Variants in PFAS observed in about 807,000 individuals in gnomAD.
PFAS encodes FGAM synthase.
In PFAS, 97 loss-of-function variants were observed where a neutral mutation model predicts 140.6. The observed-to-expected ratio is 0.69, with a 90% CI of 0.59 to 0.82. The LOEUF (loss-of-function observed/expected upper bound fraction) is 0.82. PFAS is among the 40% of genes least tolerant of loss of function. The pLI, the probability that PFAS is intolerant of heterozygous loss-of-function variation, is 0.00. For synonymous variants in PFAS, 679 were observed against 718.8 expected, an observed-to-expected ratio of 0.94 and a Z score of 0.88; for missense variants, 1,656 against 1,780.2, an observed-to-expected ratio of 0.93 and a Z score of 1.26.
Position 8,266,131 on chromosome 17 carries a change from C to T in PFAS, c.2702-103C>T. On this transcript the variant is annotated intron_variant, in intron 21 of 27. Coordinates refer to ENST00000314666, the MANE Select transcript of PFAS (RefSeq NM_012393.3). The surrounding 1 kb of genome is among the most constrained non-coding windows in gnomAD (Gnocchi z 5.0). Reference sequence around the variant, plus strand: ...CAATGGACGATGTACCCCAGATCCCCTGACATTCTGACACACACTCTTGAT... The same window carrying T: ...CAATGGACGATGTACCCCAGATCCCTTGACATTCTGACACACACTCTTGAT... The T allele has an allele frequency of 6.4e-7, 1 of 1,554,358 alleles. No individual in the cohort carries two copies. The highest frequency in any genetic ancestry group is 8.8e-7 in the Non-Finnish European group (1 of 1,142,398).
At position 8,269,157 on chromosome 17, in the gene PFAS, C is replaced by G; in HGVS notation, c.3910C>G (p.Pro1304Ala). ...VMPHPERAVR[P>A]WQWAWRPPPF... ...GCCTCACCCTGAGCGGGCCGTTAGGCCTTGGCAGTGGGCATGGCGACCCCC... is the reference window on the plus strand; with the variant it reads ...GCCTCACCCTGAGCGGGCCGTTAGGGCTTGGCAGTGGGCATGGCGACCCCC... Residue 1304 changes from proline (P) to alanine (A), a missense_variant, in exon 28 of 28, where the codon CCT becomes GCT. Transcript: ENST00000314666. 1 of 1,613,868 alleles carries G rather than the reference C, an allele frequency of 6.2e-7. No homozygotes were observed. Among genetic ancestry groups the G allele is most frequent in the Non-Finnish European group, 8.5e-7 (1 of 1,179,986 alleles).
In PFAS at chr17:8,269,102, C is replaced by G; in HGVS notation, c.3855C>G (p.Cys1285Trp). Residue 1285 changes from cysteine (C) to tryptophan (W), a missense_variant, in exon 28 of 28, where the codon TGC becomes TGG. By Grantham distance (215) the Cys-to-Trp change is radical. Coordinates refer to ENST00000314666, the MANE Select transcript of PFAS (RefSeq NM_012393.3). ...CCCCAGGGGGCGTGGCTGGCATCTGCTCCTGTGATGGCCGCCACCTGGCTG... is the reference window on the plus strand; with the variant it reads ...CCCCAGGGGGCGTGGCTGGCATCTGGTCCTGTGATGGCCGCCACCTGGCTG... ...NGSPGGVAGI[C>W]SCDGRHLAVM... The G allele has an allele frequency of 6.2e-7, 1 of 1,614,166 alleles. No individual in the cohort carries two copies. The highest frequency in any genetic ancestry group is 1.1e-5 in the South Asian group (1 of 91,090).
chr17:8,252,263 C>T (rs1989184935), intron 1 of PFAS, among the ~76,000 whole-genome samples: 1 of 151,070 alleles, frequency 6.6e-6, no homozygotes, highest in Non-Finnish European at 1.5e-5. Context: ...CACTGCACTC[C>T]AGCCTGGGTG....
intron 3 of PFAS, among the ~76,000 whole-genome samples, chr17:8,254,556 C>T (rs1989283555): frequency 6.6e-6 from 1 of 152,148 alleles, no homozygotes; most frequent in Non-Finnish European, 1.5e-5. Context: ...GTAATCCCAG[C>T]ACTTTGGGAG....
intron 9 of PFAS, 116 bp from the exon 10 acceptor site, chr17:8,257,691 A>G (rs977635901): frequency 2.8e-6 from 3 of 1,071,296 alleles, no homozygotes; most frequent in African/African-American, 3.1e-5. Context: ...GAAGTGGAAC[A>G]TTGCAACCAT....
intron 14 of PFAS, 33 bp downstream of exon 14, chr17:8,263,669 C>T (rs1042122945): frequency 6.2e-7 from 1 of 1,608,674 alleles, no homozygotes; most frequent in Non-Finnish European, 8.5e-7. Context: ...TGACATTTTC[C>T]CACCCCTGCC....
Position 8,268,783 on chromosome 17 carries a change from GGGGCCT to G in PFAS, c.3639_3644del (p.Gly1214_Pro1215del). 2 of 1,609,644 alleles carry G rather than the reference GGGGCCT, an allele frequency of 1.2e-6. No homozygotes were observed. Among genetic ancestry groups the G allele is most frequent in the South Asian group, 2.2e-5 (2 of 91,056 alleles). ...AGTCTCGCTGGGCCAGCGTGCGTGT[GGGGCCT>G]GGGCCAGCCCTGATGCTGCGAGGGA... On this transcript the variant is annotated inframe_deletion, in exon 27 of 28. Transcript: ENST00000314666.
In PFAS at chr17:8,267,334, G is replaced by A; in HGVS notation, c.3176-38G>A. The A allele has an allele frequency of 1.2e-6, 2 of 1,605,372 alleles. No homozygotes were observed. Among genetic ancestry groups the A allele is most frequent in the South Asian group, 2.2e-5 (2 of 90,892 alleles). ...GTGTCTGGGGAGTTGGGGTGGGGAA[G>A]TGACTTTCTGGCCCAAAGACACTTA... On this transcript the variant is annotated intron_variant, in intron 24 of 27. Transcript: ENST00000314666. This position sits in a 1 kb window ranked among gnomAD's most constrained non-coding sequence, Gnocchi z 4.9.
In PFAS at chr17:8,256,369, G is replaced by A. The variant is rs764590509; in HGVS notation, c.783G>A (p.Ser261=). ...CCATCATGAGCACCCAGGAATCCTC[G>A]AACCCCAACAACGTCCTCAAATTCT... is the stretch of plus-strand genomic sequence containing the variant. ...FESIMSTQES[S]NPNNVLKFCD... Residue 261 remains serine, a synonymous_variant, in exon 7 of 28, where the codon TCG becomes TCA. Coordinates refer to ENST00000314666, the MANE Select transcript of PFAS (RefSeq NM_012393.3). 14 of 1,613,896 alleles carry A rather than the reference G, an allele frequency of 8.7e-6. No individual in the cohort carries two copies. Among genetic ancestry groups the A allele is most frequent in the Admixed American group, 3.3e-5 (2 of 59,990 alleles).
At position 8,266,012 on chromosome 17, in the gene PFAS, T is replaced by A. The variant is rs761583129; in HGVS notation, c.2696T>A (p.Leu899Gln). 4 of 1,605,464 alleles carry A rather than the reference T, an allele frequency of 2.5e-6. No individual in the cohort carries two copies. The highest frequency in any genetic ancestry group is 2.6e-6 in the Non-Finnish European group (3 of 1,175,618). The change falls in exon 21 of 28, where the codon CTG becomes CAG. Residue 899 changes from leucine (L) to glutamine (Q), a missense_variant. By Grantham distance (113) the Leu-to-Gln change is moderately radical (BLOSUM62 -2). Transcript: ENST00000314666. The surrounding 1 kb of genome is among the most constrained non-coding windows in gnomAD (Gnocchi z 5.0). ...VRAFSITQGL[L>Q]KDRLLCSGHD... ...GCCTTCAGCATCACTCAGGGGCTGCTGAAAGGTGAGTGAAGACCCCTGGGG... is the reference window on the plus strand; with the variant it reads ...GCCTTCAGCATCACTCAGGGGCTGCAGAAAGGTGAGTGAAGACCCCTGGGG...
rs1421031839 is a variant in PFAS, at chr17:8,270,471, G to A, written c.*1207G>A. On this transcript the variant is annotated 3_prime_UTR_variant, in exon 28 of 28. Coordinates refer to ENST00000314666, the MANE Select transcript of PFAS (RefSeq NM_012393.3). ...GCCCCTCCCCGCCTTTTCAATAAAG[G>A]ATGAATGAAGGTTGACTGCATTGCC... 1 of 152,294 alleles carries A rather than the reference G, an allele frequency of 6.6e-6. No individual in the cohort carries two copies. The highest frequency in any genetic ancestry group is 1.5e-5 in the Non-Finnish European group (1 of 68,052). The allele number at this position is 152,294 out of a possible 1,614,324, so 9.4% of individuals were successfully genotyped here. A position where few individuals can be genotyped will look rare whatever the true frequency, so the allele number is the denominator to read the frequency against.
chr17:8,254,663 G>T (rs1176519353), intron 3 of PFAS, among the ~76,000 whole-genome samples: 1 of 152,054 alleles, frequency 6.6e-6, no homozygotes, highest in Non-Finnish European at 1.5e-5. Context: ...AATTAGCCGG[G>T]TGTGGTGGCG....
chr17:8,267,533 C>A lies in PFAS; in HGVS notation c.3268-18C>A. 1.9e-6 allele frequency: 3 copies of A among 1,588,940 alleles called. No individual in the cohort carries two copies. The highest frequency in any genetic ancestry group is 2.6e-6 in the Non-Finnish European group (3 of 1,157,088). ...CTGCGTGTCCTCCCACCCACACTCC[C>A]CCTCCCCACCTTCGCAGGTATGGGA... On this transcript the variant is annotated intron_variant, in intron 25 of 27. Coordinates refer to ENST00000314666, the MANE Select transcript of PFAS (RefSeq NM_012393.3). The surrounding 1 kb of genome is among the most constrained non-coding windows in gnomAD (Gnocchi z 4.9).
chr17:8,248,168 C>T (rs527684200), upstream of PFAS: 2 of 714,644 alleles, frequency 2.8e-6, no homozygotes, highest in African/African-American at 1.8e-5. Context: ...CGCTGCTCAC[C>T]CCCTCGCTTC....
upstream of PFAS, chr17:8,247,824 T>A: frequency 3.2e-6 from 2 of 631,284 alleles, 1 homozygote; most frequent in South Asian, 3.8e-5. Flanking sequence ...GCCGCGTGAA[T>A]GAGGGAATAA....
chr17:8,261,657 C>CTGGA (rs1989598954), intron 11 of PFAS, among the ~76,000 whole-genome samples: 1 of 151,926 alleles, frequency 6.6e-6, no homozygotes, highest in Non-Finnish European at 1.5e-5. Context: ...GTCACCCAGG[C>CTGGA]TGGAGTGCAG....
At position 8,266,669 on chromosome 17, in the gene PFAS, T is replaced by G; in HGVS notation, c.2822-84T>G. 6.5e-7 allele frequency: 1 copy of G among 1,532,248 alleles called. No individual in the cohort carries two copies. The highest frequency in any genetic ancestry group is 1.3e-5 in the South Asian group (1 of 77,800). The allele number at this position is 1,532,248 out of a possible 1,614,324, so 94.9% of individuals were successfully genotyped here. ...GGCTGCATCCCTCTGACCCTCACCCTGGCCCTTCCTGCATTTCCCTGATCC... is the reference window on the plus strand; with the variant it reads ...GGCTGCATCCCTCTGACCCTCACCCGGGCCCTTCCTGCATTTCCCTGATCC... On this transcript the variant is annotated intron_variant, in intron 22 of 27. Transcript: ENST00000314666. This position sits in a 1 kb window ranked among gnomAD's most constrained non-coding sequence, Gnocchi z 5.0.
At position 8,264,479 on chromosome 17, in the gene PFAS, C is replaced by T. The variant is rs746838874; in HGVS notation, c.1927C>T (p.Leu643=). 3.1e-5 allele frequency: 50 copies of T among 1,613,700 alleles called. No homozygotes were observed. The South Asian group carries it at 5.2e-4, about 17-fold the overall frequency. ...GCTGTCTGTGTTGCAGGAGTTCTTC[C>T]TGCAGAGGAAGCCCCCCATGCTGCA... ...LGKMPRKEFF[L]QRKPPMLQPL... is the part of the protein sequence containing the mutation. The change falls in exon 17 of 28, where the codon CTG becomes TTG. Residue 643 remains leucine, a synonymous_variant. Transcript: ENST00000314666.
At position 8,257,831 on chromosome 17, in the gene PFAS, C is replaced by T. The variant is rs4791641; in HGVS notation, c.1100C>T (p.Pro367Leu). The T allele has an allele frequency of 0.47, 761,774 of 1,612,672 alleles. 186,436 individuals are homozygous for T. The highest frequency in any genetic ancestry group is 0.5 in the Non-Finnish European group (594,638 of 1,178,824). Residue 367 changes from proline to leucine, a missense_variant, in exon 10 of 28, where the codon CCA (proline) becomes CTA (leucine). Transcript: ENST00000314666. ...GGTTACAATCTGCCCTGGGAGGATC[C>T]AAGCTTCCAGTATCCTGGGAATTTT... The part of the protein sequence containing the change: ...IPGYNLPWED[P>L]SFQYPGNFAR...
Sources: gnomAD v4.1 joint callset for allele counts (sites outside exome capture counted in the v4.1 genomes callset) on GRCh38, gnomAD v4.1.1 for gene constraint, Gnocchi (gnomAD v3.1) non-coding constraint, MANE v1.5 for transcripts, NCBI Gene and HGNC (gene_info 2026-07-23, HGNC 2026-07-21) for gene names.